The following UST variants were observed in gnomAD, a reference collection of about 807,000 sequenced individuals.
The protein encoded by UST is uronyl 2-sulfotransferase.
A neutral mutation model predicts 45.6 loss-of-function variants in UST; 21 were observed. The ratio of observed to expected loss-of-function variants is 0.46; its 90% CI spans 0.33 to 0.66. The LOEUF is 0.66. Among genes scored for constraint, UST ranks in the 30% least tolerant of loss-of-function variants. The pLI is 0.02. For missense variants in UST, 463 were observed against 512.4 expected, an observed-to-expected ratio of 0.90 and a Z score of 0.93; for synonymous variants, 215 against 200.6, an observed-to-expected ratio of 1.07 and a Z score of -0.61.
chr6:148,991,854 T>C (rs1781360137), intron 5 of UST, among the ~76,000 whole-genome samples: 1 of 152,172 alleles, frequency 6.6e-6, no homozygotes, highest in Non-Finnish European at 1.5e-5. Flanking sequence ...TTAGACTACA[T>C]CAAACTGCTA....
In UST at chr6:149,018,995, T is replaced by A. The variant is rs2115018903; in HGVS notation, c.682-144T>A. ...AGGATGCTGGGAGGCAAAAAATAAG[T>A]TTTCTCATGAAATCTGTGAATTCTC... On this transcript the variant is annotated intron_variant, in intron 5 of 7. Coordinates refer to ENST00000367463, the MANE Select transcript of UST (RefSeq NM_005715.3). The A allele has an allele frequency of 1.4e-5, 10 of 706,530 alleles. No individual in the cohort carries two copies. The South Asian group carries it at 1.8e-4, about 13-fold the overall frequency. The allele number at this position is 706,530 out of a possible 1,614,324, so 43.8% of individuals were successfully genotyped here.
intron 1 of UST, among the ~76,000 whole-genome samples, chr6:148,816,211 A>G (rs376480944): frequency 4.1e-4 from 63 of 152,212 alleles, no homozygotes; most frequent in African/African-American, 1.4e-3. Flanking sequence ...AATGTTTTGT[A>G]ATGCACCACA....
chr6:148,821,092 C>T (rs1777455982), intron 1 of UST, among the ~76,000 whole-genome samples: 1 of 149,082 alleles, frequency 6.7e-6, no homozygotes. Context: ...GCCTCAGCCT[C>T]CCAAGTAGCT....
chr6:148,867,776 C>A (rs988413462), intron 1 of UST, among the ~76,000 whole-genome samples: 4 of 152,170 alleles, frequency 2.6e-5, no homozygotes, highest in Non-Finnish European at 5.9e-5. Context: ...ATTATCCAGT[C>A]TCAGGTATGT....
At chr6:148,900,213 G>T (rs147108155) in intron 2 of UST, among the ~76,000 whole-genome samples, 178 of 152,176 alleles carry the variant, frequency 1.2e-3, no homozygotes, top group African/African-American at 4.2e-3. Flanking sequence ...GTCTCTCCTG[G>T]GGTCTTCTTG....
At chr6:149,001,338 T>G (rs1289249215) in intron 5 of UST, among the ~76,000 whole-genome samples, 1 of 152,226 alleles carries the variant, frequency 6.6e-6, no homozygotes, top group Non-Finnish European at 1.5e-5. Context: ...CCCAAAGTGC[T>G]GGGATTATAG....
chr6:148,844,331 C>T (rs1777943676), intron 1 of UST, among the ~76,000 whole-genome samples: 2 of 152,198 alleles, frequency 1.3e-5, no homozygotes, highest in African/African-American at 4.8e-5. Context: ...GAATAAGTTA[C>T]TTGCCCCAGG....
chr6:148,818,873 G>C (rs1396488082), intron 1 of UST, among the ~76,000 whole-genome samples: 2 of 152,156 alleles, frequency 1.3e-5, no homozygotes, highest in Non-Finnish European at 2.9e-5. Flanking sequence ...GGAGACATGA[G>C]AAAGGAGAAA....
chr6:148,784,075 T>A (rs1427639669), intron 1 of UST, among the ~76,000 whole-genome samples: 1 of 152,174 alleles, frequency 6.6e-6, no homozygotes, highest in Non-Finnish European at 1.5e-5. Flanking sequence ...CCAACCCTCA[T>A]ACGCTTCATC....
At chr6:149,051,942 C>A (rs1430909521) in intron 7 of UST, among the ~76,000 whole-genome samples, 1 of 152,048 alleles carries the variant, frequency 6.6e-6, no homozygotes, top group Non-Finnish European at 1.5e-5. Context: ...TGTGAAACAT[C>A]CAAAATATAT....
intron 7 of UST, among the ~76,000 whole-genome samples, chr6:149,043,007 CTTTCTTTCTTTCTTTT>C (rs1562337762): frequency 3.6e-5 from 4 of 112,400 alleles, no homozygotes; most frequent in Middle Eastern, 4.4e-3. Context: ...TTCTTTCTTT[CTTTCTTTCTTTCTTTT>C]TCTTTCTTTC....
chr6:149,062,915 C>T (rs535967870), intron 7 of UST, among the ~76,000 whole-genome samples: 2 of 152,372 alleles, frequency 1.3e-5, no homozygotes, highest in East Asian at 3.9e-4. Flanking sequence ...GGATGTGCTT[C>T]TCTGCAGGAC....
intron 7 of UST, among the ~76,000 whole-genome samples, chr6:149,070,391 C>G (rs1485054060): frequency 3.3e-5 from 5 of 152,172 alleles, no homozygotes; most frequent in Non-Finnish European, 5.9e-5. Flanking sequence ...CTGTTAGGAA[C>G]CCATTTCAGA....
intron 2 of UST, among the ~76,000 whole-genome samples, chr6:148,911,003 C>T (rs1271917653): frequency 6.6e-6 from 1 of 152,160 alleles, no homozygotes; most frequent in Non-Finnish European, 1.5e-5. Flanking sequence ...TCTCAGTTCA[C>T]TAGGCCTGGT....
chr6:148,928,618 A>G (rs908705193), intron 2 of UST, among the ~76,000 whole-genome samples: 2 of 152,232 alleles, frequency 1.3e-5, no homozygotes, highest in African/African-American at 4.8e-5. Context: ...CAGCCAATAG[A>G]TACTGTGGAA....
At chr6:148,936,028 A>G (rs912575220) in intron 2 of UST, among the ~76,000 whole-genome samples, 5 of 152,240 alleles carry the variant, frequency 3.3e-5, no homozygotes, top group African/African-American at 1.2e-4. Flanking sequence ...CACAGAAGTC[A>G]AACTAAAAAT....
intron 2 of UST, among the ~76,000 whole-genome samples, chr6:148,894,139 AAG>A (rs1043510412): frequency 2.0e-5 from 3 of 152,176 alleles, no homozygotes; most frequent in Admixed American, 6.5e-5. Context: ...TTTAACAGGA[AAG>A]AGAGAAAAGA....
intron 1 of UST, among the ~76,000 whole-genome samples, chr6:148,765,899 G>A (rs1219870043): frequency 6.6e-6 from 1 of 152,200 alleles, no homozygotes; most frequent in Non-Finnish European, 1.5e-5. Context: ...GAATAGTGTA[G>A]TGGGAGTTGG....
chr6:148,767,910 A>G (rs560488375), intron 1 of UST, among the ~76,000 whole-genome samples: 154 of 152,300 alleles, frequency 1.0e-3, no homozygotes, highest in Middle Eastern at 3.4e-3. Flanking sequence ...AATTCCTATA[A>G]GAAGGCTTTT....
Sources: gnomAD v4.1 joint callset for allele counts (sites outside exome capture counted in the v4.1 genomes callset) on GRCh38, gnomAD v4.1.1 for gene constraint, MANE v1.5 for transcripts, NCBI Gene and HGNC (gene_info 2026-07-23, HGNC 2026-07-21) for gene names.